The following NTF3 variants were observed in gnomAD, a reference collection of about 807,000 sequenced individuals.
NTF3 encodes neurotrophin 3.
A neutral mutation model predicts 26.3 loss-of-function variants in NTF3; 8 were observed. That is an observed-to-expected ratio of 0.30 (90% confidence interval 0.18 to 0.55). NTF3 has a LOEUF of 0.55. NTF3 is among the 20% of genes least tolerant of loss of function. The pLI is 0.93. For missense variants in NTF3, 276 were observed against 352.9 expected (o/e 0.78, Z 1.75); for synonymous variants, 154 against 145.5 (o/e 1.06, Z -0.42).
intron 1 of NTF3, among the ~76,000 whole-genome samples, chr12:5,484,747 G>A (rs889618092): frequency 2.0e-5 from 3 of 152,118 alleles, no homozygotes; most frequent in African/African-American, 7.2e-5. Context: ...GGGGGCCTGC[G>A]TTGCATGCGT....
chr12:5,490,735 C>T (rs1427196723), intron 1 of NTF3, among the ~76,000 whole-genome samples: 1 of 152,298 alleles, frequency 6.6e-6, no homozygotes, highest in Non-Finnish European at 1.5e-5. Flanking sequence ...CTCTGGGCTT[C>T]GAGTTCATAA....
chr12:5,474,117 C>A (rs1201287125), intron 1 of NTF3, among the ~76,000 whole-genome samples: 4 of 152,196 alleles, frequency 2.6e-5, no homozygotes, highest in Non-Finnish European at 5.9e-5. Flanking sequence ...ATAATGATGG[C>A]AGGACAAAAG....
intron 1 of NTF3, among the ~76,000 whole-genome samples, chr12:5,439,874 C>A (rs1940216364): frequency 6.6e-6 from 1 of 152,124 alleles, no homozygotes; most frequent in Non-Finnish European, 1.5e-5. Flanking sequence ...ACCATTTAGA[C>A]TGGGGCCAAA....
intron 1 of NTF3, among the ~76,000 whole-genome samples, chr12:5,441,137 C>T (rs915721210): frequency 6.6e-6 from 1 of 152,212 alleles, no homozygotes; most frequent in Non-Finnish European, 1.5e-5. Flanking sequence ...CCGCCTCTAA[C>T]TCCAACAGAG....
chr12:5,452,740 C>T (rs1940391119), intron 1 of NTF3, among the ~76,000 whole-genome samples: 1 of 152,162 alleles, frequency 6.6e-6, no homozygotes, highest in Non-Finnish European at 1.5e-5. Flanking sequence ...CACGCATCCC[C>T]CCACCTAGGG....
At chr12:5,465,883 G>T (rs181881265) in intron 1 of NTF3, among the ~76,000 whole-genome samples, 1 of 152,314 alleles carries the variant, frequency 6.6e-6, no homozygotes, top group Admixed American at 6.5e-5. Context: ...ATGGAACCAT[G>T]TACCAGGAGT....
chr12:5,481,915 G>A (rs1268698623), intron 1 of NTF3, among the ~76,000 whole-genome samples: 2 of 149,512 alleles, frequency 1.3e-5, no homozygotes, highest in African/African-American at 4.9e-5. Flanking sequence ...ACACACCCAC[G>A]GGCTTACACA....
rs527641185 is a variant in NTF3 at position 5,469,987 on chromosome 12, C to T, written c.19-24207C>T. On this transcript the variant is annotated intron_variant, in intron 1 of 1. Coordinates refer to ENST00000423158, the MANE Select transcript of NTF3 (RefSeq NM_001102654.2). ...TCACCCAGGCTAGAGTGCAATGGCG[C>T]GATCTCAGCTCACTGCAAGCTCCGC... 8.5e-5 allele frequency among the ~76,000 whole-genome samples: 13 copies of T among 152,262 alleles called. No individual in the cohort carries two copies. In the East Asian group the frequency reaches 1.7e-3, roughly 20 times the overall value.
At chr12:5,431,012 G>A (rs1415638858), upstream of NTF3, among the ~76,000 whole-genome samples, 1 of 152,124 alleles carries the variant, frequency 6.6e-6, no homozygotes, top group Admixed American at 6.5e-5. Context: ...GATGGCAAAT[G>A]GGCGAAATCA....
intron 1 of NTF3, among the ~76,000 whole-genome samples, chr12:5,438,930 C>A (rs1214644589): frequency 6.6e-6 from 1 of 152,210 alleles, no homozygotes; most frequent in Non-Finnish European, 1.5e-5. Flanking sequence ...TTGGAGTGCA[C>A]CCTGGCACGC....
intron 1 of NTF3, among the ~76,000 whole-genome samples, chr12:5,486,380 A>G (rs1254371468): frequency 6.6e-6 from 1 of 152,218 alleles, no homozygotes; most frequent in Non-Finnish European, 1.5e-5. Flanking sequence ...TCAACCCTCT[A>G]GAGGAAGCCA....
At chr12:5,491,520 A>G (rs1043524234) in intron 1 of NTF3, among the ~76,000 whole-genome samples, 2 of 152,122 alleles carry the variant, frequency 1.3e-5, no homozygotes, top group African/African-American at 4.8e-5. Flanking sequence ...TAGAAAGGTC[A>G]GCTTTGGAAC....
rs897222248 is a variant in NTF3, at chr12:5,494,008, A to G, written c.19-186A>G. The G allele has an allele frequency of 5.0e-6, 3 of 605,334 alleles. No individual in the cohort carries two copies. In the African/African-American group the frequency reaches 5.6e-5, roughly 11 times the overall value. The allele number at this position is 605,334 out of a possible 1,614,324, so 37.5% of individuals were successfully genotyped here. On this transcript the variant is annotated intron_variant, in intron 1 of 1. Transcript: ENST00000423158. This position sits in a 1 kb window ranked among gnomAD's most constrained non-coding sequence, Gnocchi z 8.3. ...GGCAGACCTGGAGTGCATTCGCAGT[A>G]TCTCCCGGGGGTGGGGGAAAGAAAT...
intron 1 of NTF3, among the ~76,000 whole-genome samples, chr12:5,476,237 G>T (rs189124936): frequency 6.6e-6 from 1 of 152,142 alleles, no homozygotes; most frequent in Admixed American, 6.5e-5. Flanking sequence ...AAAGTATCTG[G>T]TCTCCTCAGA....
intron 1 of NTF3, among the ~76,000 whole-genome samples, chr12:5,436,327 G>C (rs577234878): frequency 6.6e-6 from 1 of 152,266 alleles, no homozygotes; most frequent in East Asian, 1.9e-4. Flanking sequence ...ACTCATCTGT[G>C]TAAGAGATAG....
intron 1 of NTF3, among the ~76,000 whole-genome samples, chr12:5,461,919 A>G (rs1481619721): frequency 1.3e-5 from 2 of 152,186 alleles, no homozygotes; most frequent in Non-Finnish European, 2.9e-5. Context: ...GGAAAAGAAA[A>G]CTAGAGAATG....
rs558281560 is a variant in NTF3 at position 5,436,142 on chromosome 12, T to C, written c.18+3800T>C. ...GGTAGGAACAGAGTGAAGGCTGTGC[T>C]TTTGTGATGCACACATCTGCCTGTC... is the stretch of plus-strand genomic sequence containing the variant. On this transcript the variant is annotated intron_variant, in intron 1 of 1. Transcript: ENST00000423158. 1.7e-4 allele frequency among the ~76,000 whole-genome samples: 26 copies of C among 152,280 alleles called. No individual in the cohort carries two copies. In the South Asian group the frequency reaches 2.9e-3, roughly 17 times the overall value.
chr12:5,480,199 T>A (rs767032178), intron 1 of NTF3, among the ~76,000 whole-genome samples: 12 of 152,082 alleles, frequency 7.9e-5, no homozygotes, highest in Non-Finnish European at 1.8e-4. Context: ...CATCAAAAGA[T>A]GCATCAGGAG....
chr12:5,480,039 C>T (rs1210656535), intron 1 of NTF3, among the ~76,000 whole-genome samples: 3 of 152,206 alleles, frequency 2.0e-5, no homozygotes, highest in Non-Finnish European at 2.9e-5. Context: ...AAGTAGTTCT[C>T]AGGCTCCCTT....
Sources: gnomAD v4.1 joint callset for allele counts (sites outside exome capture counted in the v4.1 genomes callset) on GRCh38, gnomAD v4.1.1 for gene constraint, Gnocchi (gnomAD v3.1) non-coding constraint, MANE v1.5 for transcripts, NCBI Gene and HGNC (gene_info 2026-07-23, HGNC 2026-07-21) for gene names.